MMACHC: variants seen among roughly 807,000 people sequenced by gnomAD.
MMACHC encodes cyanocobalamin reductase / alkylcobalamin dealkylase.
Under a neutral mutation model 17.6 loss-of-function variants are expected in MMACHC, and 14 were observed. That is an observed-to-expected ratio of 0.80 (90% confidence interval 0.53 to 1.25). MMACHC has a LOEUF of 1.25. Ranked by LOEUF, MMACHC falls within the 50% of genes most tolerant of loss-of-function variation. MMACHC has a pLI of 0.00. For missense variants in MMACHC, 392 were observed against 364.5 expected (o/e 1.08, Z -0.62); for synonymous variants, 151 against 142.1 (o/e 1.06, Z -0.45).
rs1325442638 is a variant in MMACHC, at chr1:45,500,405, C to A, written c.73C>A (p.Pro25Thr). The A allele has an allele frequency of 2.5e-6, 4 of 1,613,998 alleles. No homozygotes were observed. Among genetic ancestry groups the A allele is most frequent in the African/African-American group, 1.3e-5 (1 of 74,892 alleles). The change falls in exon 1 of 4, where the codon CCC becomes ACC. Residue 25 changes from proline (P) to threonine (T), a missense_variant. Physicochemically the swap from Pro to Thr is conservative, Grantham distance 38. Coordinates refer to ENST00000401061, the MANE Select transcript of MMACHC (RefSeq NM_015506.3). ...TLCPFGFEVY[P>T]FQVAWYNELL... The stretch of plus-strand genomic sequence containing the variant: ...ATGTCCTTTTGGCTTCGAGGTTTAC[C>A]CCTTCCAGGTTAGTTTATCCCTCCT...
At chr1:45,504,180 G>A (rs960126034) in intron 1 of MMACHC, among the ~76,000 whole-genome samples, 6 of 152,108 alleles carry the variant, frequency 3.9e-5, no homozygotes, top group South Asian at 2.1e-4. Context: ...TTAGGGAGGC[G>A]GAGGCGGGTG....
rs869087041 is a variant in MMACHC at position 45,512,069 on chromosome 1, C to CTTTTTTT, written c.*2875_*2881dup. Reference sequence around the variant, plus strand: ...GCAAGGGGACTAATCTCTTATTTTTCTTTTTTTTTTTTTTTTTTTTTTTTT... The same window carrying CTTTTTTT: ...GCAAGGGGACTAATCTCTTATTTTTCTTTTTTTTTTTTTTTTTTTTTTTTTTTTTTTT... On this transcript the variant is annotated 3_prime_UTR_variant, in exon 4 of 4. Coordinates refer to ENST00000401061, the MANE Select transcript of MMACHC (RefSeq NM_015506.3). 73 of 66,918 alleles carry CTTTTTTT rather than the reference C, an allele frequency of 1.1e-3. 1 individual carries two copies. The highest frequency in any genetic ancestry group is 2.1e-3 in the Admixed American group (9 of 4,226). 4.1% of individuals were successfully genotyped at this position (66,918 alleles called of 1,614,324 possible).
In MMACHC at chr1:45,510,576, A is replaced by C. The variant is rs554348285; in HGVS notation, c.*1361A>C. ...ACCAAGGGAAGGCTAAGAATTGCCC[A>C]GTACTGTGCAACTACGAAAGCCCTA... On this transcript the variant is annotated 3_prime_UTR_variant, in exon 4 of 4. Transcript: ENST00000401061. The C allele has an allele frequency of 9.2e-6, 1 of 108,492 alleles. No homozygotes were observed. The highest frequency in any genetic ancestry group is 4.1e-4 in the East Asian group (1 of 2,442). 6.7% of individuals were successfully genotyped at this position (108,492 alleles called of 1,614,324 possible).
At chr1:45,501,418 G>A (rs1190946708) in intron 1 of MMACHC, among the ~76,000 whole-genome samples, 3 of 152,160 alleles carry the variant, frequency 2.0e-5, no homozygotes, top group African/African-American at 7.2e-5. Flanking sequence ...AGCAGTCCTG[G>A]GAGAGGATAT....
Position 45,511,357 on chromosome 1 carries a change from C to T in MMACHC, c.*2142C>T. ...CTTCTGCTTGGAGAAATATTCTTTGCTCTTTTGGACATCAGGCTTGATGGT... is the reference window on the plus strand; with the variant it reads ...CTTCTGCTTGGAGAAATATTCTTTGTTCTTTTGGACATCAGGCTTGATGGT... On this transcript the variant is annotated 3_prime_UTR_variant, in exon 4 of 4. Coordinates refer to ENST00000401061, the MANE Select transcript of MMACHC (RefSeq NM_015506.3). 2 of 1,613,094 alleles carry T rather than the reference C, an allele frequency of 1.2e-6. No individual in the cohort carries two copies. The highest frequency in any genetic ancestry group is 1.7e-6 in the Non-Finnish European group (2 of 1,179,634).
At chr1:45,505,133 A>AG (rs1424757204) in intron 1 of MMACHC, among the ~76,000 whole-genome samples, 12 of 150,686 alleles carry the variant, frequency 8.0e-5, no homozygotes, top group African/African-American at 2.9e-4. Context: ...AAAAAAAAAA[A>AG]AAAAGGGCCG....
Position 45,511,313 on chromosome 1 carries a change from T to C in MMACHC, c.*2098T>C. The C allele has an allele frequency of 6.3e-7, 1 of 1,595,074 alleles. No homozygotes were observed. Among genetic ancestry groups the C allele is most frequent in the Non-Finnish European group, 8.5e-7 (1 of 1,170,146 alleles). ...ATGGCTGCCCACCGCAGCCTGGCAC[T>C]AAAACAGCCCAGCGCTCACTTCTGC... On this transcript the variant is annotated 3_prime_UTR_variant, in exon 4 of 4. Coordinates refer to ENST00000401061, the MANE Select transcript of MMACHC (RefSeq NM_015506.3).
In MMACHC at chr1:45,512,695, G is replaced by A. The variant is rs1368896572; in HGVS notation, c.*3480G>A. 11 of 152,060 alleles carry A rather than the reference G, an allele frequency of 7.2e-5. No homozygotes were observed. Among genetic ancestry groups the A allele is most frequent in the Non-Finnish European group, 1.6e-4 (11 of 68,002 alleles). The allele number at this position is 152,060 out of a possible 1,614,324, so 9.4% of individuals were successfully genotyped here. On this transcript the variant is annotated 3_prime_UTR_variant, in exon 4 of 4. Coordinates refer to ENST00000401061, the MANE Select transcript of MMACHC (RefSeq NM_015506.3). ...GTTCAGGAGACTAACCTATATGTAGGTTCCTAGGAAAGTCCAGTTAAAGGG... is the reference window on the plus strand; with the variant it reads ...GTTCAGGAGACTAACCTATATGTAGATTCCTAGGAAAGTCCAGTTAAAGGG...
Position 45,508,192 on chromosome 1 carries a change from T to C in MMACHC, c.277-20T>C. ...CTCCCCTCATGCTGACAGTACCCTC[T>C]ATTTTGTCCACTGTTCCAGAGCCTC... is the stretch of plus-strand genomic sequence containing the variant. On this transcript the variant is annotated intron_variant, in intron 2 of 3. Coordinates refer to ENST00000401061, the MANE Select transcript of MMACHC (RefSeq NM_015506.3). 3 of 1,613,856 alleles carry C rather than the reference T, an allele frequency of 1.9e-6. No individual in the cohort carries two copies. The highest frequency in any genetic ancestry group is 2.5e-6 in the Non-Finnish European group (3 of 1,179,738).
intron 1 of MMACHC, among the ~76,000 whole-genome samples, chr1:45,504,992 G>A (rs543182786): frequency 1.6e-4 from 24 of 151,648 alleles, no homozygotes; most frequent in African/African-American, 5.6e-4. Flanking sequence ...GCACACGCCT[G>A]TTAATCCCTG....
intron 1 of MMACHC, among the ~76,000 whole-genome samples, chr1:45,506,589 C>T (rs547834840): frequency 3.3e-5 from 5 of 152,120 alleles, no homozygotes; most frequent in South Asian, 4.2e-4. Flanking sequence ...CGGGTTCAAG[C>T]GATTCTCCTG....
chr1:45,510,560 A>C lies in MMACHC; in HGVS notation c.*1345A>C, dbSNP rs1643722648. 6.8e-6 allele frequency: 1 copy of C among 146,266 alleles called. No homozygotes were observed. The highest frequency in any genetic ancestry group is 7.1e-5 in the Admixed American group (1 of 14,126). The allele number at this position is 146,266 out of a possible 1,614,324, so 9.1% of individuals were successfully genotyped here. On this transcript the variant is annotated 3_prime_UTR_variant, in exon 4 of 4. Transcript: ENST00000401061. ...TCTAATCAAGGCTAGAACCAAGGGAAGGCTAAGAATTGCCCAGTACTGTGC... is the reference window on the plus strand; with the variant it reads ...TCTAATCAAGGCTAGAACCAAGGGACGGCTAAGAATTGCCCAGTACTGTGC...
At chr1:45,505,168 G>A (rs950734358) in intron 1 of MMACHC, among the ~76,000 whole-genome samples, 18 of 147,414 alleles carry the variant, frequency 1.2e-4, no homozygotes, top group African/African-American at 3.5e-4. Context: ...ACAGGTTCTC[G>A]CCTGGCGCGG....
chr1:45,501,699 C>G (rs1033775505), intron 1 of MMACHC, among the ~76,000 whole-genome samples: 10 of 152,128 alleles, frequency 6.6e-5, no homozygotes, highest in Non-Finnish European at 1.2e-4. Context: ...CTTTGAGACA[C>G]CGTTTCAGTG....
At chr1:45,505,888 T>G (rs1372931272) in intron 1 of MMACHC, among the ~76,000 whole-genome samples, 2 of 135,552 alleles carry the variant, frequency 1.5e-5, no homozygotes, top group Admixed American at 1.6e-4. Flanking sequence ...GGCAACAGAG[T>G]GAGACTCCGT....
chr1:45,506,517 C>T (rs1358577292), intron 1 of MMACHC, among the ~76,000 whole-genome samples: 2 of 151,948 alleles, frequency 1.3e-5, no homozygotes, highest in Non-Finnish European at 2.9e-5. Context: ...GCGGGGGTCT[C>T]ACTCTGTTGC....
At chr1:45,506,482 TTTATTA>T (rs954234697) in intron 1 of MMACHC, among the ~76,000 whole-genome samples, 98 of 152,010 alleles carry the variant, frequency 6.4e-4, no homozygotes, top group Admixed American at 6.2e-3. Context: ...TTAATTTTCT[TTTATTA>T]TTATTATTAT....
At chr1:45,508,556 T>A (rs1007278715) in intron 3 of MMACHC, among the ~76,000 whole-genome samples, 192 bp downstream of exon 3, 1 of 152,194 alleles carries the variant, frequency 6.6e-6, no homozygotes, top group Non-Finnish European at 1.5e-5. Context: ...AAACTTAGTC[T>A]GCAGAACTGT....
chr1:45,508,710 G>C, intron 3 of MMACHC, 86 bp from the exon 4 acceptor site: 1 of 1,452,468 alleles, frequency 6.9e-7, no homozygotes, highest in Non-Finnish European at 9.4e-7. Context: ...TGAGTGGGAA[G>C]TGAACAGGCC....
Sources: gnomAD v4.1 joint callset for allele counts (sites outside exome capture counted in the v4.1 genomes callset) on GRCh38, gnomAD v4.1.1 for gene constraint, MANE v1.5 for transcripts, NCBI Gene and HGNC (gene_info 2026-07-23, HGNC 2026-07-21) for gene names.